Variants in GDF6 observed in about 807,000 individuals in gnomAD.
GDF6 encodes the protein growth/differentiation factor 6.
Under a neutral mutation model 32.4 loss-of-function variants are expected in GDF6, and 3 were observed. The ratio of observed to expected loss-of-function variants is 0.09; its 90% CI spans 0.04 to 0.24. The LOEUF (loss-of-function observed/expected upper bound fraction) is 0.24. Ranked by LOEUF, GDF6 falls within the 10% of genes least tolerant of loss-of-function variation. GDF6 has a pLI of 1.00. For missense variants in GDF6, 589 were observed against 637.9 expected, an observed-to-expected ratio of 0.92 and a Z score of 0.83; for synonymous variants, 296 against 295.3, an observed-to-expected ratio of 1.00 and a Z score of -0.03.
intron 1 of GDF6, among the ~76,000 whole-genome samples, chr8:96,159,510 C>A (rs185044059): frequency 7.2e-5 from 11 of 152,262 alleles, no homozygotes; most frequent in Non-Finnish European, 1.3e-4. Flanking sequence ...GAGAGAGGAA[C>A]GTCGCCTGGC....
Position 96,145,468 on chromosome 8 carries a change from G to T in GDF6, c.463C>A (p.Leu155Ile). The T allele has an allele frequency of 1.3e-6, 2 of 1,597,924 alleles. No homozygotes were observed. Among genetic ancestry groups the T allele is most frequent in the Non-Finnish European group, 1.7e-6 (2 of 1,179,638 alleles). Reference protein sequence around the residue: ...RQKYLFDVSMLSDKEELVGAE... With the variant: ...RQKYLFDVSMISDKEELVGAE... ...CCCACCAGCTCTTCTTTGTCTGAGA[G>T]CATGGACACATCAAACAAATACTTC... The change falls in exon 2 of 2, where the codon CTC (leucine) becomes ATC (isoleucine). Residue 155 changes from leucine to isoleucine, a missense_variant. Leu to Ile is a conservative substitution (Grantham distance 5). Around this residue, in one of 2 missense-constraint regions of GDF6, gnomAD observed 436 missense variants for 411.2 expected, o/e 1.06. Coordinates refer to ENST00000287020, the MANE Select transcript of GDF6 (RefSeq NM_001001557.4). This position sits in a 1 kb window ranked among gnomAD's most constrained non-coding sequence, Gnocchi z 5.6.
chr8:96,158,140 G>A (rs1812700069), intron 1 of GDF6, among the ~76,000 whole-genome samples: 1 of 152,190 alleles, frequency 6.6e-6, no homozygotes. Flanking sequence ...TCCTCCCGCT[G>A]TGGACCGCTC....
chr8:96,144,329 C>T lies in GDF6; in HGVS notation c.*234G>A. The T allele has an allele frequency of 6.2e-6, 3 of 481,650 alleles. No individual in the cohort carries two copies. Among genetic ancestry groups the T allele is most frequent in the South Asian group, 2.2e-5 (1 of 45,846 alleles). 29.8% of individuals were successfully genotyped at this position (481,650 alleles called of 1,614,324 possible). A position where few individuals can be genotyped will look rare whatever the true frequency, so the allele number is the denominator to read the frequency against. On this transcript the variant is annotated 3_prime_UTR_variant, in exon 2 of 2. Transcript: ENST00000287020. The surrounding 1 kb of genome is among the most constrained non-coding windows in gnomAD (Gnocchi z 5.1). ...AGAAATCCTCCTTGGCTTGTTTTTCCAGGGTGGCCAGGCAAGGTGTGAAAA... is the reference window on the plus strand; with the variant it reads ...AGAAATCCTCCTTGGCTTGTTTTTCTAGGGTGGCCAGGCAAGGTGTGAAAA...
Position 96,144,244 on chromosome 8 carries a change from TAGAGAGAGAGAGAG to T in GDF6, c.*305_*318del, listed in dbSNP as rs71275339. On this transcript the variant is annotated 3_prime_UTR_variant, in exon 2 of 2. Transcript: ENST00000287020. The surrounding 1 kb of genome is among the most constrained non-coding windows in gnomAD (Gnocchi z 5.1). Reference sequence around the variant, plus strand: ...ATAAGGAAATCCAAAGCCACAGTAATAGAGAGAGAGAGAGAGAGAGAGAGAGAGAGAGAGAGAGA... The same window carrying T: ...ATAAGGAAATCCAAAGCCACAGTAATAGAGAGAGAGAGAGAGAGAGAGAGA... 1,356 of 234,934 alleles carry T rather than the reference TAGAGAGAGAGAGAG, an allele frequency of 5.8e-3. 11 individuals are homozygous for T. Among genetic ancestry groups the T allele is most frequent in the South Asian group, 0.036 (1,127 of 31,210 alleles). 14.6% of individuals were successfully genotyped at this position (234,934 alleles called of 1,614,324 possible). A position where few individuals can be genotyped will look rare whatever the true frequency, so the allele number is the denominator to read the frequency against.
At chr8:96,152,475 C>G (rs888173091) in intron 1 of GDF6, among the ~76,000 whole-genome samples, 1 of 152,160 alleles carries the variant, frequency 6.6e-6, no homozygotes, top group South Asian at 2.1e-4. Context: ...TGTGGGGGCA[C>G]GATCTGACCA....
In GDF6 at chr8:96,144,242, AATAGAGAGAGAGAGAGAGAGAGAG is replaced by A. The variant is rs1400344305; in HGVS notation, c.*297_*320del. The stretch of plus-strand genomic sequence containing the variant: ...ACATAAGGAAATCCAAAGCCACAGT[AATAGAGAGAGAGAGAGAGAGAGAG>A]AGAGAGAGAGAGAGAGAGAGAGAGA... On this transcript the variant is annotated 3_prime_UTR_variant, in exon 2 of 2. Coordinates refer to ENST00000287020, the MANE Select transcript of GDF6 (RefSeq NM_001001557.4). This position sits in a 1 kb window ranked among gnomAD's most constrained non-coding sequence, Gnocchi z 5.1. 3.9e-4 allele frequency: 75 copies of A among 190,112 alleles called. 1 individual carries two copies. The African/African-American group carries it at 4.1e-3, about 10-fold the overall frequency. The allele number at this position is 190,112 out of a possible 1,614,324, so 11.8% of individuals were successfully genotyped here.
rs184627205 is a variant in GDF6 at position 96,148,858 on chromosome 8, C to T, written c.407-3334G>A. On this transcript the variant is annotated intron_variant, in intron 1 of 1. Transcript: ENST00000287020. ...GTCTCCAGAACCTCTAACCCCTAAA[C>T]AGAAGGTCCAAGAAGGTGGCTCCTC... 1.5e-3 allele frequency among the ~76,000 whole-genome samples: 233 copies of T among 152,338 alleles called. 1 individual carries two copies. The highest frequency in any genetic ancestry group is 5.4e-3 in the African/African-American group (224 of 41,556).
At chr8:96,158,830 G>A (rs567306214) in intron 1 of GDF6, among the ~76,000 whole-genome samples, 1 of 152,316 alleles carries the variant, frequency 6.6e-6, no homozygotes, top group Admixed American at 6.5e-5. Flanking sequence ...GACTTTAGTA[G>A]CCCTAAAATC....
intron 1 of GDF6, among the ~76,000 whole-genome samples, chr8:96,156,393 TC>T (rs1379395198): frequency 4.6e-5 from 7 of 150,640 alleles, no homozygotes; most frequent in South Asian, 2.1e-4. Context: ...TCTCTCTCTC[TC>T]TCTCTCTCTC....
At position 96,142,419 on chromosome 8, in the gene GDF6, A is replaced by G. The variant is rs2130199176; in HGVS notation, c.*2144T>C. On this transcript the variant is annotated 3_prime_UTR_variant, in exon 2 of 2. Transcript: ENST00000287020. ...ACTGTAAAAAATGTTTTGATTATTC[A>G]TTGACCTCTGGTAACTTTAGCGTTG... The G allele has an allele frequency of 6.6e-6, 1 of 152,348 alleles. No individual in the cohort carries two copies. Among genetic ancestry groups the G allele is most frequent in the Non-Finnish European group, 1.5e-5 (1 of 68,014 alleles). 9.4% of individuals were successfully genotyped at this position (152,348 alleles called of 1,614,324 possible).
At chr8:96,155,550 G>A (rs940474018) in intron 1 of GDF6, among the ~76,000 whole-genome samples, 7 of 152,180 alleles carry the variant, frequency 4.6e-5, no homozygotes, top group Admixed American at 6.5e-5. Flanking sequence ...CGTGAGCCTG[G>A]ACAGTGGCAC....
At chr8:96,159,091 G>A (rs537605670) in intron 1 of GDF6, among the ~76,000 whole-genome samples, 1 of 152,304 alleles carries the variant, frequency 6.6e-6, no homozygotes, top group East Asian at 1.9e-4. Context: ...GAACCCCAGC[G>A]CTGCAAGGTT....
Position 96,144,990 on chromosome 8 carries a change from G to A in GDF6, c.941C>T (p.Pro314Leu), listed in dbSNP as rs1036962486. Residue 314 changes from proline (P) to leucine (L), a missense_variant, in exon 2 of 2, where the codon CCG becomes CTG. By Grantham distance (98) the Pro-to-Leu change is moderately conservative. Coordinates refer to ENST00000287020, the MANE Select transcript of GDF6 (RefSeq NM_001001557.4). This position sits in a 1 kb window ranked among gnomAD's most constrained non-coding sequence, Gnocchi z 5.1. Reference protein sequence around the residue: ...GPGAGAEGSWPPPSGAPDARP... With the variant: ...GPGAGAEGSWLPPSGAPDARP... ...GGCATCCGGGGCGCCCGACGGCGGC[G>A]GCCACGACCCCTCGGCGCCCGCGCC... is the stretch of plus-strand genomic sequence containing the variant. 6 of 1,350,734 alleles carry A rather than the reference G, an allele frequency of 4.4e-6. No individual in the cohort carries two copies. Among genetic ancestry groups the A allele is most frequent in the Non-Finnish European group, 5.7e-6 (6 of 1,057,072 alleles). 83.7% of individuals were successfully genotyped at this position (1,350,734 alleles called of 1,614,324 possible). A position where few individuals can be genotyped will look rare whatever the true frequency, so the allele number is the denominator to read the frequency against.
chr8:96,151,530 T>C (rs889743347), intron 1 of GDF6, among the ~76,000 whole-genome samples: 2 of 152,108 alleles, frequency 1.3e-5, no homozygotes, highest in Non-Finnish European at 2.9e-5. Flanking sequence ...CCTGAGAAAC[T>C]CTTCCATGCT....
At position 96,160,342 on chromosome 8, in the gene GDF6, A is replaced by G; in HGVS notation, c.351T>C (p.Phe117=). The G allele has an allele frequency of 6.2e-7, 1 of 1,614,186 alleles. No individual in the cohort carries two copies. ...TATTAGCCGACTTGGAAGACTGGAA[A>G]AAGCTGGCATTGATGCCCAGCTTCT... is the stretch of plus-strand genomic sequence containing the variant. The part of the protein sequence containing the change: ...IAEKLGINAS[F]FQSSKSANTI... The change falls in exon 1 of 2, where the codon TTT becomes TTC. Residue 117 remains phenylalanine (F), a synonymous_variant. Coordinates refer to ENST00000287020, the MANE Select transcript of GDF6 (RefSeq NM_001001557.4).
rs1440235988 is a variant in GDF6 at position 96,145,907 on chromosome 8, C to G, written c.407-383G>C. ...CCTCTGGGCTGGGCTGGCTCGTTCT[C>G]GTTGACGTCTCAAATGTCACCTCCT... On this transcript the variant is annotated intron_variant, in intron 1 of 1. Transcript: ENST00000287020. This position sits in a 1 kb window ranked among gnomAD's most constrained non-coding sequence, Gnocchi z 5.6. Among the ~76,000 whole-genome samples, 1 of 152,206 alleles carries G rather than the reference C, an allele frequency of 6.6e-6. No homozygotes were observed. The highest frequency in any genetic ancestry group is 1.5e-5 in the Non-Finnish European group (1 of 68,028).
chr8:96,160,770 CG>C lies in GDF6; in HGVS notation c.-79del. The C allele has an allele frequency of 2.1e-6, 3 of 1,454,774 alleles. No individual in the cohort carries two copies. The highest frequency in any genetic ancestry group is 2.8e-6 in the Non-Finnish European group (3 of 1,060,024). The allele number at this position is 1,454,774 out of a possible 1,614,324, so 90.1% of individuals were successfully genotyped here. A position where few individuals can be genotyped will look rare whatever the true frequency, so the allele number is the denominator to read the frequency against. ...CGCGGGGCACGGAGCGGCTGGACAG[CG>C]GCCGGGGCCCGGCTCCTCGGGCGGA... On this transcript the variant is annotated 5_prime_UTR_variant, in exon 1 of 2. Transcript: ENST00000287020.
In GDF6 at chr8:96,144,340, G is replaced by A; in HGVS notation, c.*223C>T. The A allele has an allele frequency of 1.7e-6, 1 of 573,956 alleles. No homozygotes were observed. The highest frequency in any genetic ancestry group is 3.1e-6 in the Non-Finnish European group (1 of 322,424). 35.6% of individuals were successfully genotyped at this position (573,956 alleles called of 1,614,324 possible). ...TTGGCTTGTTTTTCCAGGGTGGCCA[G>A]GCAAGGTGTGAAAATCCATATTTCC... is the stretch of plus-strand genomic sequence containing the variant. On this transcript the variant is annotated 3_prime_UTR_variant, in exon 2 of 2. Coordinates refer to ENST00000287020, the MANE Select transcript of GDF6 (RefSeq NM_001001557.4). The surrounding 1 kb of genome is among the most constrained non-coding windows in gnomAD (Gnocchi z 5.1).
intron 1 of GDF6, among the ~76,000 whole-genome samples, chr8:96,156,450 C>T (rs1182508027): frequency 6.6e-6 from 1 of 151,212 alleles, no homozygotes; most frequent in African/African-American, 2.4e-5. Flanking sequence ...TCCTCCCTCC[C>T]CTCTATCTCT....
Sources: allele counts gnomAD v4.1 joint callset (sites outside exome capture counted in the v4.1 genomes callset), GRCh38; gene constraint gnomAD v4.1.1; regional missense constraint gnomAD v4.1.1; non-coding constraint Gnocchi (gnomAD v3.1); transcripts MANE v1.5; gene names NCBI Gene and HGNC (gene_info 2026-07-23, HGNC 2026-07-21).